Variants in SHANK2 observed in about 807,000 individuals in gnomAD.
SHANK2 encodes the protein SH3 and multiple ankyrin repeat domains 2, also known as SH3 and multiple ankyrin repeat domains protein 2.
In SHANK2, 43 loss-of-function variants were observed where a neutral mutation model predicts 133.7. The observed-to-expected ratio is 0.32, with a 90% CI of 0.25 to 0.41. The LOEUF is 0.41. SHANK2 is among the 10% of genes least tolerant of loss of function. The probability of loss-of-function intolerance (pLI) is 1.00; values close to 1 mark genes in which losing one functional copy is unlikely to be tolerated. For synonymous variants in SHANK2, 1,017 were observed against 952.8 expected, an observed-to-expected ratio of 1.07 and a Z score of -1.24; for missense variants, 1,994 against 2,235.8, an observed-to-expected ratio of 0.89 and a Z score of 2.18.
At chr11:71,221,552 A>G (rs1478583996) in intron 2 of SHANK2, among the ~76,000 whole-genome samples, 2 of 152,200 alleles carry the variant, frequency 1.3e-5, no homozygotes, top group Non-Finnish European at 2.9e-5. Context: ...TGGAAAATAT[A>G]ATTTGAGACA....
chr11:70,590,592 T>C (rs1447394592), intron 17 of SHANK2, among the ~76,000 whole-genome samples: 1 of 152,238 alleles, frequency 6.6e-6, no homozygotes, highest in African/African-American at 2.4e-5. Flanking sequence ...GCCATCAACA[T>C]TGAAGTGAGA....
At chr11:70,785,519 A>G (rs565091687) in intron 14 of SHANK2, among the ~76,000 whole-genome samples, 29 of 152,288 alleles carry the variant, frequency 1.9e-4, no homozygotes, top group African/African-American at 5.8e-4. Context: ...TCACCCGCTC[A>G]GTGGAGCAGA....
rs1555064426 is a variant in SHANK2 at position 70,848,581 on chromosome 11, T to A, written c.1175-27899A>T. On this transcript the variant is annotated intron_variant, in intron 11 of 25. Coordinates refer to ENST00000601538, the MANE Select transcript of SHANK2 (RefSeq NM_012309.5). ...GCCTTATCAGGACCTTAAAGGCCCT[T>A]AAGTACATTCTGAGGGTCCAGGAAG... 2.0e-5 allele frequency among the ~76,000 whole-genome samples: 3 copies of A among 152,302 alleles called. No individual in the cohort carries two copies. The South Asian group carries it at 6.2e-4, about 32-fold the overall frequency.
chr11:70,725,102 G>C (rs1273782286), intron 14 of SHANK2, among the ~76,000 whole-genome samples: 1 of 152,130 alleles, frequency 6.6e-6, no homozygotes, highest in East Asian at 1.9e-4. Flanking sequence ...GATTCTTTGG[G>C]GGGGAAAACA....
chr11:70,513,840 T>C (rs114063943), intron 17 of SHANK2, among the ~76,000 whole-genome samples: 2,100 of 152,172 alleles, frequency 0.014, 41 homozygotes, highest in African/African-American at 0.048. Flanking sequence ...AAAAAGATTT[T>C]AAAAAGTAGA....
intron 15 of SHANK2, among the ~76,000 whole-genome samples, chr11:70,672,052 TTTC>T (rs1944819771): frequency 1.4e-5 from 2 of 143,320 alleles, no homozygotes; most frequent in Admixed American, 1.5e-4. Context: ...CCACCATACT[TTTC>T]TTTTCTTTTT....
rs143595073 is a variant in SHANK2 at position 70,485,832 on chromosome 11, G to C, written c.4461C>G (p.Ala1487=). 8 of 1,613,972 alleles carry C rather than the reference G, an allele frequency of 5.0e-6. No individual in the cohort carries two copies. The highest frequency in any genetic ancestry group is 2.2e-5 in the East Asian group (1 of 44,868). Reference sequence around the variant, plus strand: ...TGTCCACCTCCTCGATCCCAGAGTCGGCGACGGCGTCAAAGCTTTCAGGGG... The same window carrying C: ...TGTCCACCTCCTCGATCCCAGAGTCCGCGACGGCGTCAAAGCTTTCAGGGG... ...LPPPESFDAV[A]DSGIEEVDSR... The change falls in exon 25 of 26, where the codon GCC becomes GCG. Residue 1487 remains alanine (A), a synonymous_variant. Coordinates refer to ENST00000601538, the MANE Select transcript of SHANK2 (RefSeq NM_012309.5). The surrounding 1 kb of genome is among the most constrained non-coding windows in gnomAD (Gnocchi z 5.8).
intron 14 of SHANK2, among the ~76,000 whole-genome samples, chr11:70,790,482 T>A (rs1947764781): frequency 6.6e-6 from 1 of 152,200 alleles, no homozygotes; most frequent in South Asian, 2.1e-4. Flanking sequence ...TTTTTCTCAG[T>A]AATGTGGGTG....
intron 17 of SHANK2, among the ~76,000 whole-genome samples, chr11:70,618,904 C>T (rs782106736): frequency 2.6e-5 from 4 of 152,214 alleles, no homozygotes; most frequent in Admixed American, 6.5e-5. Context: ...GTATCCAGGG[C>T]AGGCGAGCTT....
intron 25 of SHANK2, among the ~76,000 whole-genome samples, chr11:70,476,690 C>T (rs1335524014): frequency 2.0e-5 from 3 of 152,210 alleles, no homozygotes; most frequent in Non-Finnish European, 4.4e-5. Flanking sequence ...TACAAGAAGA[C>T]ATATGCCCAC....
intron 2 of SHANK2, among the ~76,000 whole-genome samples, chr11:71,217,264 G>A (rs140642560): frequency 0.017 from 2,565 of 152,048 alleles, 84 homozygotes; most frequent in African/African-American, 0.059. Context: ...CCAGCACTTC[G>A]GGATGCCAAG....
intron 2 of SHANK2, among the ~76,000 whole-genome samples, chr11:71,165,351 G>C (rs1555110641): frequency 2.0e-5 from 3 of 152,114 alleles, no homozygotes; most frequent in African/African-American, 7.2e-5. Context: ...GTTTTCTTAA[G>C]AAGAAATATT....
intron 17 of SHANK2, among the ~76,000 whole-genome samples, chr11:70,521,220 T>C (rs2059326316): frequency 6.6e-6 from 1 of 152,252 alleles, no homozygotes; most frequent in Non-Finnish European, 1.5e-5. Flanking sequence ...GCCATTAAGG[T>C]CATGATCTAT....
chr11:70,582,124 C>A (rs1245135679), intron 17 of SHANK2, among the ~76,000 whole-genome samples: 1 of 152,214 alleles, frequency 6.6e-6, no homozygotes, highest in Non-Finnish European at 1.5e-5. Flanking sequence ...AGCAGACAGA[C>A]CCAGGGCGGA....
chr11:70,753,573 A>G (rs1405821990), intron 14 of SHANK2, among the ~76,000 whole-genome samples: 2 of 149,418 alleles, frequency 1.3e-5, no homozygotes, highest in South Asian at 4.2e-4. Flanking sequence ...CAAAAGATCA[A>G]TAAAATTGAT....
chr11:70,493,630 G>A (rs78402850), intron 21 of SHANK2, among the ~76,000 whole-genome samples: 89 of 152,198 alleles, frequency 5.8e-4, no homozygotes, highest in African/African-American at 1.8e-3. Flanking sequence ...TTCCAGTCGC[G>A]ATGTGCATTC....
chr11:71,201,021 A>G (rs542069152), intron 2 of SHANK2, among the ~76,000 whole-genome samples: 36 of 152,310 alleles, frequency 2.4e-4, no homozygotes, highest in Admixed American at 2.3e-3. Context: ...ATCAGTAAAC[A>G]ACATAAAGCC....
intron 17 of SHANK2, among the ~76,000 whole-genome samples, chr11:70,516,840 G>A (rs2059272212): frequency 6.6e-6 from 1 of 152,094 alleles, no homozygotes; most frequent in Admixed American, 6.6e-5. Flanking sequence ...GGGCCGAGTC[G>A]GGTGGATCAC....
chr11:70,769,492 G>T (rs1387902769), intron 14 of SHANK2, among the ~76,000 whole-genome samples: 1 of 152,198 alleles, frequency 6.6e-6, no homozygotes, highest in Admixed American at 6.5e-5. Context: ...AACAACGCTG[G>T]AGCTGCAGGG....
Sources: allele counts gnomAD v4.1 joint callset (sites outside exome capture counted in the v4.1 genomes callset), GRCh38; gene constraint gnomAD v4.1.1; non-coding constraint Gnocchi (gnomAD v3.1); transcripts MANE v1.5; gene names NCBI Gene and HGNC (gene_info 2026-07-23, HGNC 2026-07-21).